KIF18A: variants seen among roughly 807,000 people sequenced by gnomAD.
KIF18A encodes kinesin family member 18A, also known as kinesin-like protein KIF18A.
A neutral mutation model predicts 103.3 loss-of-function variants in KIF18A; 67 were observed. The ratio of observed to expected loss-of-function variants is 0.65; its 90% CI spans 0.53 to 0.79. KIF18A has a LOEUF of 0.79. Among genes scored for constraint, KIF18A ranks in the 30% least tolerant of loss-of-function variants. The probability of loss-of-function intolerance (pLI) is 0.00; values close to 1 mark genes in which losing one functional copy is unlikely to be tolerated. For missense variants in KIF18A, 1,032 were observed against 1,062.5 expected, an observed-to-expected ratio of 0.97 and a Z score of 0.40; for synonymous variants, 367 against 355.5, an observed-to-expected ratio of 1.03 and a Z score of -0.36.
At chr11:28,067,430 T>C (rs1438373702) in intron 11 of KIF18A, among the ~76,000 whole-genome samples, 1 of 152,132 alleles carries the variant, frequency 6.6e-6, no homozygotes, top group Non-Finnish European at 1.5e-5. Flanking sequence ...ACTGTCATCA[T>C]TAACTACTAC....
chr11:28,047,534 A>C (rs1297756225), intron 13 of KIF18A, among the ~76,000 whole-genome samples: 1 of 152,156 alleles, frequency 6.6e-6, no homozygotes, highest in African/African-American at 2.4e-5. Context: ...AGATGGTTTT[A>C]GTGTTTATTT....
intron 13 of KIF18A, among the ~76,000 whole-genome samples, chr11:28,044,165 G>GTT (rs1375485748): frequency 3.9e-5 from 6 of 151,944 alleles, no homozygotes; most frequent in Admixed American, 6.6e-5. Flanking sequence ...AAGACATGAA[G>GTT]TTTTACTCTC....
chr11:28,083,210 T>C lies in KIF18A; in HGVS notation c.1108A>G (p.Ile370Val), dbSNP rs771168664. The C allele has an allele frequency of 1.2e-5, 18 of 1,561,954 alleles. No homozygotes were observed. In the Admixed American group the frequency reaches 4.1e-4, roughly 35 times the overall value. The change falls in exon 8 of 17, where the codon ATA (isoleucine) becomes GTA (valine). Residue 370 changes from isoleucine (I) to valine (V), a missense_variant. Physicochemically the swap from Ile to Val is conservative, Grantham distance 29. Transcript: ENST00000263181. ...KSNVLNVNNH[I>V]TQYVKICNEQ... ...TTACAGATCTTTACATATTGAGTTA[T>C]ATGATTATTGACATTAAGAACATTG...
intron 11 of KIF18A, among the ~76,000 whole-genome samples, chr11:28,065,689 T>C (rs1278731040): frequency 1.3e-5 from 2 of 151,990 alleles, no homozygotes; most frequent in African/African-American, 2.4e-5. Flanking sequence ...TACGGTAATG[T>C]GGGATAGAAA....
At chr11:28,072,210 C>T (rs1460165421) in intron 10 of KIF18A, among the ~76,000 whole-genome samples, 3 of 152,156 alleles carry the variant, frequency 2.0e-5, no homozygotes, top group African/African-American at 7.2e-5. Flanking sequence ...ATCCCCTGCA[C>T]ACCACAAAAG....
At chr11:28,041,162 T>C (rs572357444) in intron 13 of KIF18A, among the ~76,000 whole-genome samples, 1 of 151,872 alleles carries the variant, frequency 6.6e-6, no homozygotes, top group African/African-American at 2.4e-5. Flanking sequence ...AACAAGACAG[T>C]TAAGAATTTA....
At chr11:28,047,362 C>T (rs977048748) in intron 13 of KIF18A, among the ~76,000 whole-genome samples, 1 of 151,988 alleles carries the variant, frequency 6.6e-6, no homozygotes, top group African/African-American at 2.4e-5. Context: ...TAAGGCCTTA[C>T]GTACTTTAAC....
intron 13 of KIF18A, among the ~76,000 whole-genome samples, chr11:28,045,595 A>G (rs528761420): frequency 6.6e-6 from 1 of 152,098 alleles, no homozygotes; most frequent in African/African-American, 2.4e-5. Flanking sequence ...TTATGTATAT[A>G]TTATATAACA....
intron 1 of KIF18A, among the ~76,000 whole-genome samples, chr11:28,100,072 A>G (rs1466709707): frequency 2.0e-5 from 3 of 152,144 alleles, no homozygotes; most frequent in African/African-American, 7.2e-5. Flanking sequence ...AGAGAGAGAC[A>G]GGATTGAAGA....
chr11:28,049,180 T>C (rs190607693), intron 13 of KIF18A, among the ~76,000 whole-genome samples: 1 of 152,186 alleles, frequency 6.6e-6, no homozygotes, highest in Non-Finnish European at 1.5e-5. Context: ...TCTTTTTCTC[T>C]CTTTGTTTTA....
intron 13 of KIF18A, among the ~76,000 whole-genome samples, chr11:28,046,598 A>T (rs1240522424): frequency 6.9e-6 from 1 of 144,006 alleles, no homozygotes; most frequent in Non-Finnish European, 1.5e-5. Context: ...CTAATGCTAG[A>T]TGACGAGTTA....
At chr11:28,031,724 T>C (rs1354497863) in intron 15 of KIF18A, among the ~76,000 whole-genome samples, 1 of 150,068 alleles carries the variant, frequency 6.7e-6, no homozygotes, top group Non-Finnish European at 1.5e-5. Context: ...AAGGAACATA[T>C]CTCAACACGA....
chr11:28,076,179 G>C (rs1851088929), intron 10 of KIF18A, among the ~76,000 whole-genome samples: 1 of 152,046 alleles, frequency 6.6e-6, no homozygotes, highest in African/African-American at 2.4e-5. Context: ...TCTGTGTTTG[G>C]AAGGGAGAGG....
At chr11:28,043,923 A>C (rs1222991978) in intron 13 of KIF18A, among the ~76,000 whole-genome samples, 4 of 151,736 alleles carry the variant, frequency 2.6e-5, no homozygotes. Flanking sequence ...CAAAAAAAAA[A>C]AGGGGGAATA....
At chr11:28,075,703 C>T (rs904744924) in intron 10 of KIF18A, among the ~76,000 whole-genome samples, 4 of 151,998 alleles carry the variant, frequency 2.6e-5, no homozygotes, top group Non-Finnish European at 5.9e-5. Context: ...AATTATTTCT[C>T]CATCTGTTTT....
At chr11:28,078,493 A>C (rs1851123529) in intron 9 of KIF18A, among the ~76,000 whole-genome samples, 1 of 152,124 alleles carries the variant, frequency 6.6e-6, no homozygotes. Context: ...ATTAGGATGA[A>C]AGGAAGGGAA....
chr11:28,069,195 A>G, intron 11 of KIF18A, 64 bp downstream of exon 11: 1 of 1,276,932 alleles, frequency 7.8e-7, no homozygotes, highest in South Asian at 1.2e-5. Flanking sequence ...TCAATAAGAA[A>G]AAGAACACAT....
chr11:28,104,428 G>A (rs770546029), intron 1 of KIF18A, among the ~76,000 whole-genome samples: 9 of 151,952 alleles, frequency 5.9e-5, no homozygotes, highest in Non-Finnish European at 1.2e-4. Context: ...GTCTTGTTTT[G>A]GCCTCCTGGC....
chr11:28,091,307 T>G, intron 4 of KIF18A, 102 bp downstream of exon 4: 1 of 624,524 alleles, frequency 1.6e-6, no homozygotes, highest in Non-Finnish European at 2.8e-6. Flanking sequence ...CCTCATTAGT[T>G]TTTTTTCTCA....
Sources: allele counts gnomAD v4.1 joint callset (sites outside exome capture counted in the v4.1 genomes callset), GRCh38; gene constraint gnomAD v4.1.1; transcripts MANE v1.5; gene names NCBI Gene and HGNC (gene_info 2026-07-23, HGNC 2026-07-21).